COL23A1: variants seen among roughly 807,000 people sequenced by gnomAD.
The protein encoded by COL23A1 is collagen type XXIII alpha 1 chain.
COL23A1 carries 97 observed loss-of-function variants against 99.3 expected under a neutral mutation model. The ratio of observed to expected loss-of-function variants is 0.98; its 90% CI spans 0.83 to 1.16. The LOEUF is 1.16. Ranked by LOEUF, COL23A1 falls within the 50% of genes most tolerant of loss-of-function variation. COL23A1 has a pLI of 0.00. For synonymous variants in COL23A1, 320 were observed against 308.2 expected (o/e 1.04, Z -0.40); for missense variants, 762 against 757.4 (o/e 1.01, Z -0.07).
intron 5 of COL23A1, among the ~76,000 whole-genome samples, chr5:178,287,827 C>T (rs1268075891): frequency 3.3e-5 from 5 of 152,236 alleles, no homozygotes; most frequent in African/African-American, 1.2e-4. Flanking sequence ...ACGTGGTGCT[C>T]ACTTGGCCGG....
At chr5:178,576,316 G>A (rs565143746) in intron 1 of COL23A1, among the ~76,000 whole-genome samples, 2 of 152,254 alleles carry the variant, frequency 1.3e-5, no homozygotes, top group Non-Finnish European at 2.9e-5. Context: ...TTAGCTCACT[G>A]CAACCTCCGC....
At position 178,529,218 on chromosome 5, in the gene COL23A1, G is replaced by A. The variant is rs149186560; in HGVS notation, c.361+31464C>T. Among the ~76,000 whole-genome samples the A allele has an allele frequency of 2.0e-4, 30 of 152,334 alleles. No individual in the cohort carries two copies. The South Asian group carries it at 3.7e-3, about 19-fold the overall frequency. ...CTTTACGTCTGGGTGGCTGGATTCC[G>A]TGAGGATGTGTTGCAAGAGGACAAC... On this transcript the variant is annotated intron_variant, in intron 2 of 28. Coordinates refer to ENST00000390654, the MANE Select transcript of COL23A1 (RefSeq NM_173465.4).
At chr5:178,358,274 G>GTGTGTATA (rs1561896980) in intron 2 of COL23A1, among the ~76,000 whole-genome samples, 12 of 93,176 alleles carry the variant, frequency 1.3e-4, no homozygotes, top group East Asian at 3.9e-4. Context: ...GTGTGTATAT[G>GTGTGTATA]TGTGTATGCG....
chr5:178,547,481 A>ACCCC (rs1562076389), intron 2 of COL23A1, among the ~76,000 whole-genome samples: 3 of 126,736 alleles, frequency 2.4e-5, no homozygotes, highest in Non-Finnish European at 5.1e-5. Context: ...ACACACCCAC[A>ACCCC]CACACACCCA....
intron 2 of COL23A1, among the ~76,000 whole-genome samples, chr5:178,547,178 G>T (rs1210946275): frequency 6.6e-6 from 1 of 152,058 alleles, no homozygotes; most frequent in Non-Finnish European, 1.5e-5. Context: ...GTGACACTGA[G>T]TGGCAAGTAC....
intron 2 of COL23A1, among the ~76,000 whole-genome samples, chr5:178,372,886 G>A (rs912766252): frequency 4.6e-5 from 7 of 151,800 alleles, no homozygotes; most frequent in Admixed American, 4.6e-4. Flanking sequence ...CCCAGCTTCA[G>A]AGATTTCTCT....
At chr5:178,276,059 T>A (rs1756568129) in intron 5 of COL23A1, among the ~76,000 whole-genome samples, 1 of 152,214 alleles carries the variant, frequency 6.6e-6, no homozygotes, top group Non-Finnish European at 1.5e-5. Flanking sequence ...TATAACCGTG[T>A]GGCTACAGAG....
chr5:178,319,104 G>A (rs533534115), intron 2 of COL23A1, among the ~76,000 whole-genome samples: 15 of 152,136 alleles, frequency 9.9e-5, no homozygotes, highest in Non-Finnish European at 1.9e-4. Flanking sequence ...CCAGCGGTGG[G>A]TGGGGGGCTG....
chr5:178,404,817 C>T (rs1416614384), intron 2 of COL23A1, among the ~76,000 whole-genome samples: 1 of 152,252 alleles, frequency 6.6e-6, no homozygotes, highest in South Asian at 2.1e-4. Context: ...CTGGGGTGTG[C>T]GAGCTGCAAC....
At chr5:178,359,505 G>A (rs1421772432) in intron 2 of COL23A1, among the ~76,000 whole-genome samples, 3 of 152,176 alleles carry the variant, frequency 2.0e-5, no homozygotes, top group Non-Finnish European at 4.4e-5. Flanking sequence ...TCTAGCCTGG[G>A]TGACAGAGCG....
chr5:178,261,632 G>C (rs1765629705), intron 11 of COL23A1, 90 bp downstream of exon 11: 1 of 878,236 alleles, frequency 1.1e-6, no homozygotes, highest in African/African-American at 1.6e-5. Context: ...TTCACTAGGG[G>C]TGGGGGGAAG....
chr5:178,435,970 C>A (rs542591711), intron 2 of COL23A1, among the ~76,000 whole-genome samples: 1 of 152,182 alleles, frequency 6.6e-6, no homozygotes, highest in Non-Finnish European at 1.5e-5. Context: ...AGCCACACAG[C>A]GGTCATTACA....
intron 1 of COL23A1, among the ~76,000 whole-genome samples, chr5:178,586,610 G>GA (rs11464020): frequency 0.072 from 10,348 of 144,426 alleles, 450 homozygotes; most frequent in South Asian, 0.11. Context: ...CTGTTGCAAG[G>GA]AAAAAAAAAA....
intron 26 of COL23A1, 66 bp downstream of exon 26, chr5:178,242,275 G>A: frequency 6.4e-7 from 1 of 1,554,264 alleles, no homozygotes; most frequent in South Asian, 1.1e-5. Flanking sequence ...CTTCACCTGA[G>A]CCTCCACTCC....
Position 178,281,885 on chromosome 5 carries a change from A to G in COL23A1, c.441+6439T>C, listed in dbSNP as rs142367077. Among the ~76,000 whole-genome samples the G allele has an allele frequency of 4.8e-4, 73 of 151,966 alleles. No individual in the cohort carries two copies. The highest frequency in any genetic ancestry group is 1.8e-3 in the African/African-American group (73 of 41,446). Reference sequence around the variant, plus strand: ...TGCAACATGGCAAAACCCTGTGTCTATTAAAAACACAAAAAAATCAGCCAG... The same window carrying G: ...TGCAACATGGCAAAACCCTGTGTCTGTTAAAAACACAAAAAAATCAGCCAG... On this transcript the variant is annotated intron_variant, in intron 5 of 28. Coordinates refer to ENST00000390654, the MANE Select transcript of COL23A1 (RefSeq NM_173465.4). The surrounding 1 kb of genome is among the most constrained non-coding windows in gnomAD (Gnocchi z 4.0).
chr5:178,546,083 A>G (rs1040081483), intron 2 of COL23A1, among the ~76,000 whole-genome samples: 2 of 150,900 alleles, frequency 1.3e-5, no homozygotes, highest in Non-Finnish European at 2.9e-5. Flanking sequence ...TGCTCACCCT[A>G]TGTCTCAGCC....
At chr5:178,250,744 A>G (rs1022554270) in intron 17 of COL23A1, among the ~76,000 whole-genome samples, 1 of 68,032 alleles carries the variant, frequency 1.5e-5, no homozygotes, top group African/African-American at 3.0e-5. Flanking sequence ...GCACTCTGGG[A>G]GGCTGAGGTG....
chr5:178,360,826 T>G (rs1762137300), intron 2 of COL23A1, among the ~76,000 whole-genome samples: 1 of 152,194 alleles, frequency 6.6e-6, no homozygotes, highest in Admixed American at 6.5e-5. Context: ...CCCAAAGAGC[T>G]CCACGTCCCT....
chr5:178,324,166 C>T (rs920692259), intron 2 of COL23A1, among the ~76,000 whole-genome samples: 1 of 141,598 alleles, frequency 7.1e-6, no homozygotes, highest in Non-Finnish European at 1.6e-5. Flanking sequence ...GCTGGGGTTA[C>T]TCTGGAAGGT....
Sources: gnomAD v4.1 joint callset for allele counts (sites outside exome capture counted in the v4.1 genomes callset) on GRCh38, gnomAD v4.1.1 for gene constraint, Gnocchi (gnomAD v3.1) non-coding constraint, MANE v1.5 for transcripts, NCBI Gene and HGNC (gene_info 2026-07-23, HGNC 2026-07-21) for gene names.